Variants in RAC3 observed in about 807,000 individuals in gnomAD.
The protein encoded by RAC3 is ras-related C3 botulinum toxin substrate 3.
In RAC3, 9 loss-of-function variants were observed where a neutral mutation model predicts 19.0. That is an observed-to-expected ratio of 0.47 (90% CI 0.29 to 0.83). RAC3 has a LOEUF of 0.83. Ranked by LOEUF, RAC3 falls within the 40% of genes least tolerant of loss-of-function variation. RAC3 has a pLI of 0.09. For missense variants in RAC3, 203 were observed against 260.8 expected, an observed-to-expected ratio of 0.78 and a Z score of 1.53; for synonymous variants, 146 against 111.8, an observed-to-expected ratio of 1.31 and a Z score of -1.93.
intron 2 of RAC3, 106 bp downstream of exon 2, chr17:82,032,564 C>T (rs2043441508): frequency 6.8e-7 from 1 of 1,467,542 alleles, no homozygotes; most frequent in Admixed American, 1.7e-5. Flanking sequence ...CTCAGGTGGC[C>T]CTGTCTCTGG....
Position 82,033,978 on chromosome 17 carries a change from G to A in RAC3, c.*149G>A, listed in dbSNP as rs994249329. On this transcript the variant is annotated 3_prime_UTR_variant, in exon 6 of 6. Transcript: ENST00000306897. This position sits in a 1 kb window ranked among gnomAD's most constrained non-coding sequence, Gnocchi z 6.2. ...GCATGGGGATGAGGCTGGGTGGCAG[G>A]ATCCTGTCCTCTCTGCCGCCTCATT... 6 of 1,077,160 alleles carry A rather than the reference G, an allele frequency of 5.6e-6. No individual in the cohort carries two copies. Among genetic ancestry groups the A allele is most frequent in the Admixed American group, 5.3e-5 (2 of 37,736 alleles). 66.7% of individuals were successfully genotyped at this position (1,077,160 alleles called of 1,614,324 possible). A position where few individuals can be genotyped will look rare whatever the true frequency, so the allele number is the denominator to read the frequency against.
Position 82,032,182 on chromosome 17 carries a change from G to T in RAC3, c.36-205G>T, listed in dbSNP as rs915394276. ...GGGGCCCCAGTGTGGGGCGCCCTGC[G>T]CCCTTATTCACCACCCCAGCCCCCG... On this transcript the variant is annotated intron_variant, in intron 1 of 5. Transcript: ENST00000306897. The T allele has an allele frequency of 4.4e-5, 26 of 587,220 alleles. 1 individual carries two copies. The African/African-American group carries it at 4.5e-4, about 10-fold the overall frequency. 36.4% of individuals were successfully genotyped at this position (587,220 alleles called of 1,614,324 possible).
chr17:82,032,132 A>C, intron 1 of RAC3: 1 of 531,650 alleles, frequency 1.9e-6, no homozygotes, highest in Non-Finnish European at 3.4e-6. Flanking sequence ...TCCTGCCGCC[A>C]CCCTCGGAGT....
Position 82,032,709 on chromosome 17 carries a change from A to G in RAC3, c.108-2A>G, listed in dbSNP as rs1276400519. On this transcript the variant is annotated splice_acceptor_variant, in intron 2 of 5. Transcript: ENST00000306897. LOFTEE classifies it high-confidence loss of function. Reference sequence around the variant, plus strand: ...CCTGACCCTGCCCTCACTGCTCTGCAGTTTTGACAACTACTCTGCCAACGT... The same window carrying G: ...CCTGACCCTGCCCTCACTGCTCTGCGGTTTTGACAACTACTCTGCCAACGT... 6.2e-7 allele frequency: 1 copy of G among 1,612,772 alleles called. No individual in the cohort carries two copies. Among genetic ancestry groups the G allele is most frequent in the East Asian group, 2.2e-5 (1 of 44,886 alleles).
In RAC3 at chr17:82,032,442, G is replaced by A; in HGVS notation, c.91G>A (p.Glu31Lys). 6.2e-7 allele frequency: 1 copy of A among 1,613,060 alleles called. No individual in the cohort carries two copies. Among genetic ancestry groups the A allele is most frequent in the Non-Finnish European group, 8.5e-7 (1 of 1,179,962 alleles). Residue 31 changes from glutamate to lysine, a missense_variant, in exon 2 of 6, where the codon GAG (glutamate) becomes AAG (lysine). By Grantham distance (56) the Glu-to-Lys change is moderately conservative. Around this residue, in one of 3 missense-constraint regions of RAC3, gnomAD observed 49 missense variants for 67.4 expected, o/e 0.73. Coordinates refer to ENST00000306897, the MANE Select transcript of RAC3 (RefSeq NM_005052.3). ...CTACACGACCAACGCCTTCCCCGGAGAGTACATCCCCACCGTGTGAGTGTG... is the reference window on the plus strand; with the variant it reads ...CTACACGACCAACGCCTTCCCCGGAAAGTACATCCCCACCGTGTGAGTGTG... ...ISYTTNAFPG[E>K]YIPTVFDNYS...
intron 1 of RAC3, 30 bp from the exon 2 acceptor site, chr17:82,032,357 C>T (rs542731759): frequency 1.4e-5 from 23 of 1,610,952 alleles, no homozygotes; most frequent in African/African-American, 2.7e-5. Flanking sequence ...AGGCCGGGCC[C>T]GGGAGCCACG....
chr17:82,033,687 C>G lies in RAC3; in HGVS notation c.449-12C>G. The stretch of plus-strand genomic sequence containing the variant: ...CCCCACCCTCACTGTCTCCCCTCCT[C>G]ACTGCCGCTAGGCTCTGTGAAATAC... On this transcript the variant is annotated splice_polypyrimidine_tract_variant and intron_variant, in intron 5 of 5. Transcript: ENST00000306897. This position sits in a 1 kb window ranked among gnomAD's most constrained non-coding sequence, Gnocchi z 6.2. The G allele has an allele frequency of 6.2e-7, 1 of 1,610,764 alleles. No individual in the cohort carries two copies. Among genetic ancestry groups the G allele is most frequent in the Non-Finnish European group, 8.5e-7 (1 of 1,178,136 alleles).
chr17:82,031,851 G>A lies in RAC3; in HGVS notation c.35+55G>A, dbSNP rs1297884071. On this transcript the variant is annotated intron_variant, in intron 1 of 5. Coordinates refer to ENST00000306897, the MANE Select transcript of RAC3 (RefSeq NM_005052.3). ...TGGGCTGGGCGGGAGGGGGGCTCGG[G>A]GGCTCGGGGCGCAGCCGGGGCGGGG... The A allele has an allele frequency of 2.8e-5, 25 of 896,802 alleles. No individual in the cohort carries two copies. The East Asian group carries it at 2.3e-3, about 81-fold the overall frequency. The allele number at this position is 896,802 out of a possible 1,614,324, so 55.6% of individuals were successfully genotyped here.
In RAC3 at chr17:82,033,522, A is replaced by G. The variant is rs564618857; in HGVS notation, c.371A>G (p.Asp124Gly). Residue 124 changes from aspartate (D) to glycine (G), a missense_variant, in exon 5 of 6, where the codon GAC (aspartate) becomes GGC (glycine). Around this residue, in one of 3 missense-constraint regions of RAC3, gnomAD observed 142 missense variants for 158.2 expected, o/e 0.90. Transcript: ENST00000306897. This position sits in a 1 kb window ranked among gnomAD's most constrained non-coding sequence, Gnocchi z 6.2. ...GTKLDLRDDK[D>G]TIERLRDKKL... Reference sequence around the variant, plus strand: ...AAGCTGGACCTCCGCGACGACAAGGACACCATTGAGCGGCTGCGGGACAAG... The same window carrying G: ...AAGCTGGACCTCCGCGACGACAAGGGCACCATTGAGCGGCTGCGGGACAAG... 6.2e-7 allele frequency: 1 copy of G among 1,612,900 alleles called. No homozygotes were observed. Among genetic ancestry groups the G allele is most frequent in the South Asian group, 1.1e-5 (1 of 91,070 alleles).
chr17:82,031,826 T>G, intron 1 of RAC3, 30 bp downstream of exon 1: 1 of 188,792 alleles, frequency 5.3e-6, no homozygotes, highest in South Asian at 2.0e-4. Context: ...GCCGCTTGGC[T>G]GGGCTGGGCG....
intron 2 of RAC3, 32 bp from the exon 3 acceptor site, chr17:82,032,679 C>A (rs778341339): frequency 5.6e-6 from 9 of 1,599,542 alleles, no homozygotes; most frequent in Non-Finnish European, 7.7e-6. Flanking sequence ...GGACCCCTCC[C>A]AAGCCCTGAC....
intron 3 of RAC3, 24 bp downstream of exon 3, chr17:82,032,852 CGGGAGCTGGGG>C: frequency 6.2e-7 from 1 of 1,612,182 alleles, no homozygotes; most frequent in South Asian, 1.1e-5. Flanking sequence ...GGGCCAGCCC[CGGGAGCTGGGG>C]GGGTCCCTGA....
chr17:82,032,680 A>G (rs747517504), intron 2 of RAC3, 31 bp from the exon 3 acceptor site: 1 of 1,598,878 alleles, frequency 6.3e-7, no homozygotes, highest in South Asian at 1.1e-5. Flanking sequence ...GACCCCTCCC[A>G]AGCCCTGACC....
Position 82,032,307 on chromosome 17 carries a change from C to T in RAC3, c.36-80C>T, listed in dbSNP as rs2043438295. On this transcript the variant is annotated intron_variant, in intron 1 of 5. Transcript: ENST00000306897. ...CCAGACGCCCCTAACTCGCCTCTGG[C>T]TCCGGGAGAGGGGGCTGCCCTTGCT... 4 of 1,443,522 alleles carry T rather than the reference C, an allele frequency of 2.8e-6. No homozygotes were observed. In the South Asian group the frequency reaches 3.5e-5, roughly 13 times the overall value. The allele number at this position is 1,443,522 out of a possible 1,614,324, so 89.4% of individuals were successfully genotyped here.
At chr17:82,031,859 G>A in intron 1 of RAC3, 63 bp downstream of exon 1, 1 of 814,864 alleles carries the variant, frequency 1.2e-6, no homozygotes, top group Non-Finnish European at 1.5e-6. Flanking sequence ...GGGGGCTCGG[G>A]GCGCAGCCGG....
chr17:82,033,877 C>A lies in RAC3; in HGVS notation c.*48C>A. The A allele has an allele frequency of 6.5e-7, 1 of 1,533,742 alleles. No homozygotes were observed. The highest frequency in any genetic ancestry group is 1.2e-5 in the South Asian group (1 of 84,420). ...AGGGCTGGCGGGGAGCAGCCCTGGA[C>A]GTGTCCGCTGTTGTGTTGAGACGTG... On this transcript the variant is annotated 3_prime_UTR_variant, in exon 6 of 6. Transcript: ENST00000306897. This position sits in a 1 kb window ranked among gnomAD's most constrained non-coding sequence, Gnocchi z 6.2.
At chr17:82,032,570 T>A in intron 2 of RAC3, 112 bp downstream of exon 2, 2 of 1,460,442 alleles carry the variant, frequency 1.4e-6, no homozygotes, top group Non-Finnish European at 1.9e-6. Flanking sequence ...TGGCCCTGTC[T>A]CTGGGCTTCC....
Position 82,033,478 on chromosome 17 carries a change from C to T in RAC3, c.327C>T (p.Pro109=). The change falls in exon 5 of 6, where the codon CCC becomes CCT. Residue 109 remains proline, a synonymous_variant. Coordinates refer to ENST00000306897, the MANE Select transcript of RAC3 (RefSeq NM_005052.3). This position sits in a 1 kb window ranked among gnomAD's most constrained non-coding sequence, Gnocchi z 6.2. ...PEVRHHCPHT[P]ILLVGTKLDL... is the part of the protein sequence containing the mutation. Reference sequence around the variant, plus strand: ...TGCGGCACCACTGCCCCCACACGCCCATCCTCCTGGTGGGCACCAAGCTGG... The same window carrying T: ...TGCGGCACCACTGCCCCCACACGCCTATCCTCCTGGTGGGCACCAAGCTGG... The T allele has an allele frequency of 6.2e-6, 10 of 1,612,160 alleles. No individual in the cohort carries two copies. The highest frequency in any genetic ancestry group is 1.3e-5 in the African/African-American group (1 of 75,022).
chr17:82,032,295 ACT>A (rs2043438159), intron 1 of RAC3, 90 bp from the exon 2 acceptor site: 1 of 1,312,982 alleles, frequency 7.6e-7, no homozygotes, highest in Non-Finnish European at 1.1e-6. Context: ...GACGCCCCTA[ACT>A]CGCCTCTGGC....
Sources: gnomAD v4.1 joint callset for allele counts on GRCh38, gnomAD v4.1.1 for gene constraint, gnomAD v4.1.1 regional missense constraint, Gnocchi (gnomAD v3.1) non-coding constraint, MANE v1.5 for transcripts, NCBI Gene and HGNC (gene_info 2026-07-23, HGNC 2026-07-21) for gene names.